The following DDR2 variants were observed in gnomAD, a reference collection of about 807,000 sequenced individuals.
DDR2 encodes discoidin domain receptor tyrosine kinase 2, also known as discoidin domain-containing receptor 2.
DDR2 carries 27 observed loss-of-function variants against 94.9 expected under a neutral mutation model. That is an observed-to-expected ratio of 0.28 (90% CI 0.21 to 0.39). The LOEUF is 0.39. DDR2 is among the 10% of genes least tolerant of loss of function. The pLI, the probability that DDR2 is intolerant of heterozygous loss-of-function variation, is 1.00. For synonymous variants in DDR2, 382 were observed against 377.2 expected, an observed-to-expected ratio of 1.01 and a Z score of -0.15; for missense variants, 783 against 1,076.0, an observed-to-expected ratio of 0.73 and a Z score of 3.81.
At chr1:162,728,298 G>A (rs952359674) in intron 3 of DDR2, among the ~76,000 whole-genome samples, 3 of 150,644 alleles carry the variant, frequency 2.0e-5, no homozygotes, top group Non-Finnish European at 2.9e-5. Flanking sequence ...ACCCAATCAG[G>A]TCAAATCTCC....
Position 162,766,027 on chromosome 1 carries a change from G to A in DDR2, c.1126G>A (p.Ala376Thr), listed in dbSNP as rs1433620058. The A allele has an allele frequency of 6.2e-7, 1 of 1,613,804 alleles. No individual in the cohort carries two copies. Among genetic ancestry groups the A allele is most frequent in the South Asian group, 1.1e-5 (1 of 91,050 alleles). ...TGCTGCAATGTACAACAACTCTGAA[G>A]CCCTGCCCACCTCTCCTATGGCACC... is the stretch of plus-strand genomic sequence containing the variant. ...SDAAMYNNSE[A>T]LPTSPMAPTT... The change falls in exon 10 of 18, where the codon GCC becomes ACC. Residue 376 changes from alanine (A) to threonine (T), a missense_variant. Physicochemically the swap from Ala to Thr is moderately conservative, Grantham distance 58 (BLOSUM62 0). Around this residue, in one of 2 missense-constraint regions of DDR2, gnomAD observed 519 missense variants for 647.9 expected, o/e 0.80. Transcript: ENST00000367921.
chr1:162,718,798 G>C (rs544017358), intron 2 of DDR2, among the ~76,000 whole-genome samples: 1 of 152,208 alleles, frequency 6.6e-6, no homozygotes, highest in South Asian at 2.1e-4. Flanking sequence ...CTATACTTTT[G>C]CTAATTTAAA....
At position 162,785,848 on chromosome 1, in the gene DDR2, T is replaced by C. The variant is rs1648127453; in HGVS notation, c.*5602T>C. 6.6e-6 allele frequency: 1 copy of C among 152,236 alleles called. No individual in the cohort carries two copies. The highest frequency in any genetic ancestry group is 1.5e-5 in the Non-Finnish European group (1 of 68,044). The allele number at this position is 152,236 out of a possible 1,614,324, so 9.4% of individuals were successfully genotyped here. Reference sequence around the variant, plus strand: ...GAAATTGATCTATAGAACTGCTTAATTTTTTGAGGCATTTAGACAGCAATG... The same window carrying C: ...GAAATTGATCTATAGAACTGCTTAACTTTTTGAGGCATTTAGACAGCAATG... On this transcript the variant is annotated 3_prime_UTR_variant, in exon 18 of 18. Coordinates refer to ENST00000367921, the MANE Select transcript of DDR2 (RefSeq NM_006182.4).
intron 2 of DDR2, among the ~76,000 whole-genome samples, chr1:162,709,967 T>C (rs768096474): frequency 3.3e-5 from 5 of 152,218 alleles, no homozygotes; most frequent in African/African-American, 7.2e-5. Flanking sequence ...AGTAATCAAA[T>C]GAAGACGTTA....
At chr1:162,671,432 C>T (rs529168359) in intron 2 of DDR2, among the ~76,000 whole-genome samples, 88 of 152,210 alleles carry the variant, frequency 5.8e-4, no homozygotes, top group Admixed American at 1.3e-3. Flanking sequence ...TAGCATTTCC[C>T]GAGGGTTACC....
Position 162,784,587 on chromosome 1 carries a change from GA to G in DDR2, c.*4342del, listed in dbSNP as rs1243305654. On this transcript the variant is annotated 3_prime_UTR_variant, in exon 18 of 18. Transcript: ENST00000367921. ...TTCAAGAGCTGAATTGAGAAGGAAA[GA>G]GACTGGAGTGGTTAATGGTGATTTG... 6.6e-6 allele frequency: 1 copy of G among 152,226 alleles called. No individual in the cohort carries two copies. Among genetic ancestry groups the G allele is most frequent in the African/African-American group, 2.4e-5 (1 of 41,412 alleles). 9.4% of individuals were successfully genotyped at this position (152,226 alleles called of 1,614,324 possible). A position where few individuals can be genotyped will look rare whatever the true frequency, so the allele number is the denominator to read the frequency against.
chr1:162,748,928 G>A (rs1028010687), intron 3 of DDR2, among the ~76,000 whole-genome samples: 13 of 152,224 alleles, frequency 8.5e-5, no homozygotes, highest in Admixed American at 3.9e-4. Context: ...TGAAATGAAG[G>A]CAGAAATAAA....
intron 1 of DDR2, among the ~76,000 whole-genome samples, chr1:162,633,430 C>G (rs1656656642): frequency 6.6e-6 from 1 of 152,192 alleles, no homozygotes; most frequent in Admixed American, 6.5e-5. Flanking sequence ...CACCATTTTG[C>G]CGATCATTGG....
intron 11 of DDR2, among the ~76,000 whole-genome samples, chr1:162,768,599 G>GA (rs1664112559): frequency 6.6e-5 from 10 of 152,194 alleles, no homozygotes; most frequent in Admixed American, 6.5e-4. Flanking sequence ...CAGGATGGGA[G>GA]AAAAATGGCT....
intron 3 of DDR2, among the ~76,000 whole-genome samples, chr1:162,752,361 C>T (rs980402389): frequency 2.6e-5 from 4 of 152,322 alleles, no homozygotes; most frequent in Non-Finnish European, 4.4e-5. Flanking sequence ...ACTCTCATGC[C>T]AGTAAGCTGA....
At chr1:162,692,578 C>A (rs186523662) in intron 2 of DDR2, among the ~76,000 whole-genome samples, 23 of 152,326 alleles carry the variant, frequency 1.5e-4, no homozygotes, top group Non-Finnish European at 2.6e-4. Context: ...ACCTCAGTCA[C>A]TAGGGAAATG....
intron 12 of DDR2, 31 bp downstream of exon 12, chr1:162,770,543 G>A (rs764126309): frequency 5.0e-6 from 8 of 1,604,172 alleles, no homozygotes; most frequent in Admixed American, 3.3e-5. Flanking sequence ...AGGGTGTCAA[G>A]GGAGAAACCT....
At position 162,787,210 on chromosome 1, in the gene DDR2, T is replaced by C. The variant is rs58210385; in HGVS notation, c.*6964T>C. 6.4e-4 allele frequency: 97 copies of C among 152,268 alleles called. No individual in the cohort carries two copies. The highest frequency in any genetic ancestry group is 2.2e-3 in the African/African-American group (92 of 41,544). The allele number at this position is 152,268 out of a possible 1,614,324, so 9.4% of individuals were successfully genotyped here. On this transcript the variant is annotated 3_prime_UTR_variant, in exon 18 of 18. Transcript: ENST00000367921. Reference sequence around the variant, plus strand: ...TTGGCAGGGATAGATGGGATCATTGTGTACCCTATTGTTCTTCTGATTTCC... The same window carrying C: ...TTGGCAGGGATAGATGGGATCATTGCGTACCCTATTGTTCTTCTGATTTCC...
chr1:162,776,141 C>T lies in DDR2; in HGVS notation c.2054C>T (p.Thr685Ile), dbSNP rs956827605. ...CTTCTTGTCTATTTCCTCAGTTACA[C>T]CAATCTGAAGTTTATGGCTACCCAA... ...SSSDVRTVSY[T>I]NLKFMATQIA... The change falls in exon 16 of 18, where the codon ACC becomes ATC. Residue 685 changes from threonine to isoleucine, a missense_variant. By Grantham distance (89) the Thr-to-Ile change is moderately conservative. Coordinates refer to ENST00000367921, the MANE Select transcript of DDR2 (RefSeq NM_006182.4). The T allele has an allele frequency of 3.7e-6, 6 of 1,613,114 alleles. No individual in the cohort carries two copies. In the African/African-American group the frequency reaches 6.7e-5, roughly 18 times the overall value.
intron 2 of DDR2, among the ~76,000 whole-genome samples, chr1:162,666,225 T>C (rs575720578): frequency 1.4e-4 from 22 of 152,304 alleles, no homozygotes; most frequent in African/African-American, 4.1e-4. Context: ...TCTCTCTCAT[T>C]CTCTCTCTCG....
At chr1:162,733,943 G>A (rs899159147) in intron 3 of DDR2, among the ~76,000 whole-genome samples, 3 of 152,134 alleles carry the variant, frequency 2.0e-5, no homozygotes, top group Admixed American at 2.0e-4. Context: ...AATAGAAAGA[G>A]CCAGTAATAG....
rs145345860 is a variant in DDR2 at position 162,761,372 on chromosome 1, C to T, written c.1017C>T (p.His339=). The change falls in exon 9 of 18, where the codon CAC becomes CAT. Residue 339 remains histidine (H), a synonymous_variant. Coordinates refer to ENST00000367921, the MANE Select transcript of DDR2 (RefSeq NM_006182.4). ...PSARFVTVPL[H]HRMASAIKCQ... ...CTCGGTTTGTCACGGTGCCTCTCCA[C>T]CACCGAATGGCCAGTGCCATCAAGT... 3.5e-5 allele frequency: 57 copies of T among 1,614,218 alleles called. No individual in the cohort carries two copies. The African/African-American group carries it at 6.9e-4, about 20-fold the overall frequency.
intron 2 of DDR2, among the ~76,000 whole-genome samples, chr1:162,659,257 G>A (rs918172604): frequency 2.0e-5 from 3 of 152,198 alleles, no homozygotes; most frequent in Admixed American, 2.0e-4. Context: ...AATGGTTGAA[G>A]GAAGGAAAGG....
chr1:162,656,025 G>C (rs1657942291), intron 2 of DDR2, among the ~76,000 whole-genome samples: 1 of 152,208 alleles, frequency 6.6e-6, no homozygotes, highest in African/African-American at 2.4e-5. Context: ...CTTTTATTAG[G>C]AAACCATTTC....
Sources: gnomAD v4.1 joint callset for allele counts (sites outside exome capture counted in the v4.1 genomes callset) on GRCh38, gnomAD v4.1.1 for gene constraint, gnomAD v4.1.1 regional missense constraint, MANE v1.5 for transcripts, NCBI Gene and HGNC (gene_info 2026-07-23, HGNC 2026-07-21) for gene names.